The following ZNF251 variants were observed in gnomAD, a reference collection of about 807,000 sequenced individuals.
ZNF251 encodes the protein zinc finger protein 251.
In ZNF251, 14 loss-of-function variants were observed where a neutral mutation model predicts 13.5. The ratio of observed to expected loss-of-function variants is 1.04; its 90% CI spans 0.69 to 1.63. The LOEUF is 1.63. Among genes scored for constraint, ZNF251 ranks in the 40% most tolerant of loss-of-function variants. The pLI is 0.00. For synonymous variants in ZNF251, 287 were observed against 295.2 expected (o/e 0.97, Z 0.28); for missense variants, 764 against 834.9 (o/e 0.92, Z 1.05).
chr8:144,728,005 C>G (rs1409416380), intron 4 of ZNF251, among the ~76,000 whole-genome samples: 1 of 152,178 alleles, frequency 6.6e-6, no homozygotes, highest in Non-Finnish European at 1.5e-5. Flanking sequence ...CACAACTTAG[C>G]TAACAGACGC....
chr8:144,730,093 G>A (rs757868265), intron 4 of ZNF251: 4 of 985,420 alleles, frequency 4.1e-6, no homozygotes, highest in Non-Finnish European at 4.8e-6. Flanking sequence ...CTCTCCCTTC[G>A]TACATCACCA....
chr8:144,732,814 A>G (rs1405155105), intron 4 of ZNF251, among the ~76,000 whole-genome samples: 1 of 121,334 alleles, frequency 8.2e-6, no homozygotes, highest in Non-Finnish European at 1.8e-5. Flanking sequence ...TCCGTCTCAA[A>G]AAAAAAAAAA....
At position 144,721,741 on chromosome 8, in the gene ZNF251, G is replaced by A. The variant is rs767466625; in HGVS notation, c.1919C>T (p.Pro640Leu). 1 of 1,412,306 alleles carries A rather than the reference G, an allele frequency of 7.1e-7. No homozygotes were observed. Among genetic ancestry groups the A allele is most frequent in the Admixed American group, 2.6e-5 (1 of 38,736 alleles). 87.5% of individuals were successfully genotyped at this position (1,412,306 alleles called of 1,614,324 possible). A position where few individuals can be genotyped will look rare whatever the true frequency, so the allele number is the denominator to read the frequency against. The change falls in exon 5 of 5, where the codon CCT (proline) becomes CTT (leucine). Residue 640 changes from proline to leucine, a missense_variant. By Grantham distance (98) the Pro-to-Leu change is moderately conservative. Coordinates refer to ENST00000292562, the MANE Select transcript of ZNF251 (RefSeq NM_138367.2). ...AFSQSSQLTP[P>L]QQTRVGEKPA... The stretch of plus-strand genomic sequence containing the variant: ...TTTCTCTCCAACACGAGTCTGCTGA[G>A]GTGGTGTGAGCTGTGAACTCTGGCT...
intron 4 of ZNF251, among the ~76,000 whole-genome samples, chr8:144,732,811 CAAAAAAA>C (rs34248117): frequency 9.4e-6 from 1 of 106,714 alleles, no homozygotes; most frequent in Middle Eastern, 5.0e-3. Flanking sequence ...GACTCCGTCT[CAAAAAAA>C]AAAAAAAAAA....
At chr8:144,753,896 C>A (rs796077184) in intron 3 of ZNF251, 100 bp from the exon 4 acceptor site, 4 of 928,708 alleles carry the variant, frequency 4.3e-6, no homozygotes, top group South Asian at 1.7e-5. Flanking sequence ...TACGCCTGCA[C>A]GTGTGTTGGT....
intron 4 of ZNF251, among the ~76,000 whole-genome samples, chr8:144,742,562 A>G (rs773779238): frequency 5.3e-5 from 8 of 151,120 alleles, no homozygotes; most frequent in Non-Finnish European, 8.8e-5. Context: ...ATGACCATCT[A>G]AAATCTCAGT....
At chr8:144,747,605 A>G (rs537202135) in intron 4 of ZNF251, among the ~76,000 whole-genome samples, 1 of 152,302 alleles carries the variant, frequency 6.6e-6, no homozygotes, top group South Asian at 2.1e-4. Flanking sequence ...TTTTCGCATC[A>G]CATATTTTGT....
rs1381774421 is a variant in ZNF251, at chr8:144,721,812, G to A, written c.1848C>T (p.His616=). The A allele has an allele frequency of 6.7e-7, 1 of 1,494,820 alleles. No individual in the cohort carries two copies. Among genetic ancestry groups the A allele is most frequent in the East Asian group, 2.3e-5 (1 of 43,804 alleles). The allele number at this position is 1,494,820 out of a possible 1,614,324, so 92.6% of individuals were successfully genotyped here. The change falls in exon 5 of 5, where the codon CAC becomes CAT. Residue 616 remains histidine (H), a synonymous_variant. Coordinates refer to ENST00000292562, the MANE Select transcript of ZNF251 (RefSeq NM_138367.2). ...KSTLIQHQVT[H]TGQKPCHCSV... ...TGCAATGACATGGTTTCTGACCAGTGTGAGTTACCTGATGTTGAATAAGGG... is the reference window on the plus strand; with the variant it reads ...TGCAATGACATGGTTTCTGACCAGTATGAGTTACCTGATGTTGAATAAGGG...
intron 4 of ZNF251, chr8:144,730,165 T>G (rs1157612704): frequency 1.8e-5 from 17 of 965,050 alleles, no homozygotes; most frequent in Non-Finnish European, 2.0e-5. Flanking sequence ...GAGAGCCATG[T>G]TTTATCCACC....
chr8:144,723,074 C>T lies in ZNF251; in HGVS notation c.586G>A (p.Val196Ile), dbSNP rs369841576. 5 of 1,613,930 alleles carry T rather than the reference C, an allele frequency of 3.1e-6. No individual in the cohort carries two copies. The highest frequency in any genetic ancestry group is 2.2e-5 in the East Asian group (1 of 44,908). The change falls in exon 5 of 5, where the codon GTT becomes ATT. Residue 196 changes from valine to isoleucine, a missense_variant. Val to Ile is a conservative substitution (Grantham distance 29, BLOSUM62 3). Transcript: ENST00000292562. ...FDRNLNLDQN[V>I]VRLQRNKTGE... is the part of the protein sequence containing the mutation. ...GTTTTATTTCTTTGAAGTCTAACAACATTTTGGTCCAGATTCAAGTTTCTA... is the reference window on the plus strand; with the variant it reads ...GTTTTATTTCTTTGAAGTCTAACAATATTTTGGTCCAGATTCAAGTTTCTA...
rs749634414 is a variant in ZNF251 at position 144,722,582 on chromosome 8, G to C, written c.1078C>G (p.Arg360Gly). Residue 360 changes from arginine to glycine, a missense_variant, in exon 5 of 5, where the codon CGA becomes GGA. Physicochemically the swap from Arg to Gly is moderately radical, Grantham distance 125. Coordinates refer to ENST00000292562, the MANE Select transcript of ZNF251 (RefSeq NM_138367.2). The surrounding 1 kb of genome is among the most constrained non-coding windows in gnomAD (Gnocchi z 4.8). ...ECSHCGKAFS[R>G]SSSLIQHERI... Reference sequence around the variant, plus strand: ...TCATGCTGAATAAGGCTGGAGCTTCGACTGAAGGCCTTCCCACAGTGACTG... The same window carrying C: ...TCATGCTGAATAAGGCTGGAGCTTCCACTGAAGGCCTTCCCACAGTGACTG... The C allele has an allele frequency of 6.2e-7, 1 of 1,614,060 alleles. No homozygotes were observed. Among genetic ancestry groups the C allele is most frequent in the Admixed American group, 1.7e-5 (1 of 60,012 alleles).
intron 4 of ZNF251, among the ~76,000 whole-genome samples, chr8:144,737,173 T>C (rs1318502930): frequency 6.6e-6 from 1 of 151,934 alleles, no homozygotes; most frequent in South Asian, 2.1e-4. Flanking sequence ...TCTCAGCTCA[T>C]GGCAGTCTTG....
chr8:144,725,964 A>C, intron 4 of ZNF251, among the ~76,000 whole-genome samples: 1 of 152,186 alleles, frequency 6.6e-6, no homozygotes, highest in Non-Finnish European at 1.5e-5. Flanking sequence ...TGGGAGGCCC[A>C]GGAGGGTGGA....
chr8:144,721,813 TGA>T lies in ZNF251; in HGVS notation c.1845_1846del (p.Thr617TrpfsTer36), dbSNP rs751345285. Reference sequence around the variant, plus strand: ...GCAATGACATGGTTTCTGACCAGTGTGAGTTACCTGATGTTGAATAAGGGTTG... The same window carrying T: ...GCAATGACATGGTTTCTGACCAGTGTGTTACCTGATGTTGAATAAGGGTTG... On this transcript the variant is annotated frameshift_variant, in exon 5 of 5. Transcript: ENST00000292562. LOFTEE classifies it low-confidence loss of function (END_TRUNC). 1 of 1,494,428 alleles carries T rather than the reference TGA, an allele frequency of 6.7e-7. No individual in the cohort carries two copies. 92.6% of individuals were successfully genotyped at this position (1,494,428 alleles called of 1,614,324 possible).
chr8:144,743,319 C>T (rs1199816167), intron 4 of ZNF251, among the ~76,000 whole-genome samples: 2 of 152,198 alleles, frequency 1.3e-5, no homozygotes, highest in Non-Finnish European at 2.9e-5. Flanking sequence ...CCGCCTTGGC[C>T]TCCCAAAGTG....
At chr8:144,753,377 T>C (rs1445177020) in intron 4 of ZNF251, 2 of 235,090 alleles carry the variant, frequency 8.5e-6, no homozygotes, top group African/African-American at 2.3e-5. Context: ...GGTACCGATA[T>C]CTATTGTCAA....
intron 4 of ZNF251, among the ~76,000 whole-genome samples, chr8:144,731,110 T>C (rs1823681866): frequency 6.6e-6 from 1 of 152,094 alleles, no homozygotes; most frequent in African/African-American, 2.4e-5. Flanking sequence ...TAGGGTTCAC[T>C]ACACTGACGT....
rs1453367299 is a variant in ZNF251 at position 144,753,690 on chromosome 8, GCAGCTTTTCAAGATATCTGGTTCCT to G, written c.245_269del (p.Glu82AlafsTer16). On this transcript the variant is annotated frameshift_variant, in exon 4 of 5. Coordinates refer to ENST00000292562, the MANE Select transcript of ZNF251 (RefSeq NM_138367.2). LOFTEE classifies it low-confidence loss of function (END_TRUNC). ...CATCCCATCCATTCTCACCTTTCTG[GCAGCTTTTCAAGATATCTGGTTCCT>G]CAGCTCCCAGAAGATTCAGGACCCA... The G allele has an allele frequency of 6.3e-7, 1 of 1,576,084 alleles. No homozygotes were observed. Among genetic ancestry groups the G allele is most frequent in the Admixed American group, 1.8e-5 (1 of 54,550 alleles).
chr8:144,752,952 T>C (rs1824763605), intron 4 of ZNF251, among the ~76,000 whole-genome samples: 2 of 152,122 alleles, frequency 1.3e-5, no homozygotes, highest in East Asian at 3.9e-4. Context: ...AAGTAGTAGA[T>C]GTATATTCAA....
Sources: allele counts gnomAD v4.1 joint callset (sites outside exome capture counted in the v4.1 genomes callset), GRCh38; gene constraint gnomAD v4.1.1; non-coding constraint Gnocchi (gnomAD v3.1); transcripts MANE v1.5; gene names NCBI Gene and HGNC (gene_info 2026-07-23, HGNC 2026-07-21).